Variants in RSPH14 observed in about 807,000 individuals in gnomAD.
The protein encoded by RSPH14 is radial spoke head 14 homolog, also known as rhabdoid tumor deletion region gene 1.
In RSPH14, 20 loss-of-function variants were observed where a neutral mutation model predicts 26.7. The ratio of observed to expected loss-of-function variants is 0.75; its 90% CI spans 0.53 to 1.09. The LOEUF (loss-of-function observed/expected upper bound fraction) is 1.09. RSPH14 is among the 50% of genes least tolerant of loss of function. RSPH14 has a pLI of 0.00. For missense variants in RSPH14, 449 were observed against 457.2 expected, an observed-to-expected ratio of 0.98 and a Z score of 0.16; for synonymous variants, 177 against 189.3, an observed-to-expected ratio of 0.93 and a Z score of 0.53.
the RSPH14 span, chr22:23,153,217 C>T: frequency 1.9e-6 from 2 of 1,057,680 alleles, no homozygotes; most frequent in Non-Finnish European, 2.9e-6. Context: ...TTCACTGTGT[C>T]CATGTCAAGG....
intron 4 of RSPH14, chr22:23,122,462 G>A (rs2070058423): frequency 6.5e-6 from 1 of 153,104 alleles, no homozygotes; most frequent in African/African-American, 2.4e-5. Context: ...CTGGAGGGCA[G>A]GGGAGGAGCC....
chr22:23,121,802 A>G (rs935422472), intron 4 of RSPH14, among the ~76,000 whole-genome samples: 1 of 148,278 alleles, frequency 6.7e-6, no homozygotes, highest in Non-Finnish European at 1.5e-5. Flanking sequence ...GCTCACTGCA[A>G]CCTCCACCTC....
chr22:23,143,290 C>G (rs1437307607), upstream of RSPH14, among the ~76,000 whole-genome samples: 1 of 136,706 alleles, frequency 7.3e-6, no homozygotes, highest in Non-Finnish European at 1.6e-5. Context: ...GACCTCAACT[C>G]TAAAATAAAT....
chr22:23,080,373 C>T (rs571610676), intron 4 of RSPH14, among the ~76,000 whole-genome samples: 3 of 151,456 alleles, frequency 2.0e-5, no homozygotes, highest in Non-Finnish European at 2.9e-5. Context: ...CTCATCTCCC[C>T]GGTCATCTCA....
chr22:23,124,520 A>G (rs1404261343), intron 4 of RSPH14: 1 of 332,518 alleles, frequency 3.0e-6, no homozygotes, highest in South Asian at 2.2e-5. Context: ...TATTTAAGAA[A>G]ATAAACACGA....
chr22:23,127,430 C>T (rs2070212285), intron 4 of RSPH14, among the ~76,000 whole-genome samples: 1 of 152,208 alleles, frequency 6.6e-6, no homozygotes, highest in Non-Finnish European at 1.5e-5. Context: ...GTGCACCCTG[C>T]CCTGAGGGCA....
chr22:23,161,503 T>C, the RSPH14 span: 1 of 1,610,118 alleles, frequency 6.2e-7, no homozygotes, highest in East Asian at 2.2e-5. Context: ...CTTACAGAAA[T>C]GGAAGGGAGT....
rs566640368 is a variant in RSPH14 at position 23,140,136 on chromosome 22, A to C, written c.199+86T>G. On this transcript the variant is annotated intron_variant, in intron 2 of 6. Transcript: ENST00000216036. ...TGGCCTGGAGTCAGGCTCAAACAAT[A>C]GCAACCCTTATTACTGAAGTTCTAC... The C allele has an allele frequency of 9.2e-5, 142 of 1,547,138 alleles. No homozygotes were observed. In the South Asian group the frequency reaches 1.5e-3, roughly 17 times the overall value.
intron 4 of RSPH14, among the ~76,000 whole-genome samples, chr22:23,128,860 GA>G (rs1555939087): frequency 1.3e-5 from 2 of 152,180 alleles, no homozygotes; most frequent in Non-Finnish European, 2.9e-5. Context: ...AATATTTGTT[GA>G]GCGCTAGCCA....
chr22:23,174,293 C>T, the RSPH14 span, among the ~76,000 whole-genome samples: 2 of 142,136 alleles, frequency 1.4e-5, no homozygotes, highest in African/African-American at 5.2e-5. Flanking sequence ...AATCCCAGCA[C>T]TTCGGGGAGC....
upstream of RSPH14, among the ~76,000 whole-genome samples, chr22:23,148,559 C>T (rs529013157): frequency 1.3e-5 from 2 of 152,330 alleles, no homozygotes; most frequent in South Asian, 2.1e-4. Context: ...TCACAGGTGG[C>T]ATTCTCCCCT....
At chr22:23,063,245 C>A (rs2068129916) in intron 5 of RSPH14, among the ~76,000 whole-genome samples, 1 of 152,190 alleles carries the variant, frequency 6.6e-6, no homozygotes, top group Non-Finnish European at 1.5e-5. Flanking sequence ...TGGCCTGAGC[C>A]TCTAGTGAGA....
At chr22:23,094,544 A>G (rs776512791) in intron 4 of RSPH14, among the ~76,000 whole-genome samples, 1 of 152,196 alleles carries the variant, frequency 6.6e-6, no homozygotes, top group Non-Finnish European at 1.5e-5. Context: ...CACCACGTGC[A>G]GCCCCCAGCT....
intron 4 of RSPH14, among the ~76,000 whole-genome samples, chr22:23,105,124 G>A (rs1039879471): frequency 3.9e-5 from 6 of 152,196 alleles, no homozygotes; most frequent in Non-Finnish European, 5.9e-5. Flanking sequence ...GGGGCCCTGG[G>A]CCTTGTATCC....
intron 4 of RSPH14, among the ~76,000 whole-genome samples, chr22:23,120,444 G>A (rs1488860036): frequency 2.0e-5 from 3 of 152,190 alleles, no homozygotes; most frequent in African/African-American, 7.2e-5. Context: ...CAGAGGACCA[G>A]TCTGGTTTAG....
At position 23,123,422 on chromosome 22, in the gene RSPH14, C is replaced by A. The variant is rs866931362; in HGVS notation, c.421+10604G>T. 19 of 1,609,392 alleles carry A rather than the reference C, an allele frequency of 1.2e-5. No individual in the cohort carries two copies. The African/African-American group carries it at 2.0e-4, about 17-fold the overall frequency. Reference sequence around the variant, plus strand: ...TACAGAACAATCTCAAGTACATTGGCCTTTGCTGAGGAGCTGGGCCCGGGG... The same window carrying A: ...TACAGAACAATCTCAAGTACATTGGACTTTGCTGAGGAGCTGGGCCCGGGG... On this transcript the variant is annotated intron_variant, in intron 4 of 6. Coordinates refer to ENST00000216036, the MANE Select transcript of RSPH14 (RefSeq NM_014433.3).
At chr22:23,102,137 C>T (rs1226849433) in intron 4 of RSPH14, among the ~76,000 whole-genome samples, 2 of 152,248 alleles carry the variant, frequency 1.3e-5, no homozygotes. Flanking sequence ...GTTCCCTTGC[C>T]TCATTGCCCA....
chr22:23,096,705 T>A (rs961968367), intron 4 of RSPH14, among the ~76,000 whole-genome samples: 3 of 152,184 alleles, frequency 2.0e-5, no homozygotes, highest in Admixed American at 6.5e-5. Flanking sequence ...TGTGATAGTT[T>A]GGCAAATCCA....
intron 3 of RSPH14, among the ~76,000 whole-genome samples, chr22:23,138,380 G>A (rs2070519056): frequency 6.6e-6 from 1 of 152,084 alleles, no homozygotes; most frequent in Non-Finnish European, 1.5e-5. Flanking sequence ...TGGCCAACGT[G>A]GTGAAACCAG....
Sources: gnomAD v4.1 joint callset for allele counts (sites outside exome capture counted in the v4.1 genomes callset) on GRCh38, gnomAD v4.1.1 for gene constraint, MANE v1.5 for transcripts, NCBI Gene and HGNC (gene_info 2026-07-23, HGNC 2026-07-21) for gene names.